KDM4D: variants seen among roughly 807,000 people sequenced by gnomAD.
KDM4D encodes lysine demethylase 4D.
For synonymous variants in KDM4D, 254 were observed against 249.1 expected, an observed-to-expected ratio of 1.02 and a Z score of -0.19; for missense variants, 427 against 674.8, an observed-to-expected ratio of 0.63 and a Z score of 4.07.
At chr11:94,983,724 T>C (rs149373821) in intron 2 of KDM4D, among the ~76,000 whole-genome samples, 12 of 151,970 alleles carry the variant, frequency 7.9e-5, no homozygotes, top group East Asian at 3.9e-4. Context: ...CACACAATAA[T>C]AACAACAACA....
chr11:94,990,906 A>T (rs1804709325), intron 2 of KDM4D, among the ~76,000 whole-genome samples: 1 of 152,188 alleles, frequency 6.6e-6, no homozygotes, highest in East Asian at 1.9e-4. Context: ...CAGCTGGATA[A>T]ACTGCCCCTC....
intron 2 of KDM4D, among the ~76,000 whole-genome samples, chr11:94,992,269 C>CA (rs35912659): frequency 0.036 from 5,461 of 150,612 alleles, 136 homozygotes; most frequent in Non-Finnish European, 0.053. Flanking sequence ...GACAAACTGG[C>CA]AAAAAAAACT....
rs587772173 is a variant in KDM4D at position 94,974,410 on chromosome 11, T to G, written c.-445+342T>G. Among the ~76,000 whole-genome samples, 11 of 152,360 alleles carry G rather than the reference T, an allele frequency of 7.2e-5. No homozygotes were observed. In the East Asian group the frequency reaches 2.1e-3, roughly 29 times the overall value. ...TCATCACATAGACCTTGACGTATAG[T>G]AGCTGCTCAATTAATATTTGTTAAA... On this transcript the variant is annotated intron_variant, in intron 1 of 2. Coordinates refer to ENST00000335080, the MANE Select transcript of KDM4D (RefSeq NM_018039.3).
intron 1 of KDM4D, among the ~76,000 whole-genome samples, chr11:94,974,749 C>G (rs1447243052): frequency 5.3e-5 from 8 of 152,328 alleles, no homozygotes; most frequent in Middle Eastern, 3.4e-3. Flanking sequence ...CAGGTCTTAA[C>G]AATTCTACTT....
At position 94,997,302 on chromosome 11, in the gene KDM4D, T is replaced by A; in HGVS notation, c.-71T>A. 1.5e-6 allele frequency: 2 copies of A among 1,305,952 alleles called. No individual in the cohort carries two copies. Among genetic ancestry groups the A allele is most frequent in the Non-Finnish European group, 2.1e-6 (2 of 973,810 alleles). 80.9% of individuals were successfully genotyped at this position (1,305,952 alleles called of 1,614,324 possible). On this transcript the variant is annotated 5_prime_UTR_variant, in exon 3 of 3. Coordinates refer to ENST00000335080, the MANE Select transcript of KDM4D (RefSeq NM_018039.3). ...AGATAACACCAGTCAAATTTTTTTT[T>A]AAAGTAGCATTTTCCTACATTGTCA...
chr11:94,996,589 T>C (rs1374714065), intron 2 of KDM4D, among the ~76,000 whole-genome samples: 6 of 152,248 alleles, frequency 3.9e-5, no homozygotes, highest in South Asian at 2.1e-4. Context: ...TTATCTTCAT[T>C]GCTATATGGT....
At chr11:94,974,222 C>T (rs1015463728) in intron 1 of KDM4D, among the ~76,000 whole-genome samples, 154 bp downstream of exon 1, 2 of 152,114 alleles carry the variant, frequency 1.3e-5, no homozygotes, top group Non-Finnish European at 2.9e-5. Context: ...CTACCAGGAG[C>T]ACAAGATGTA....
Position 94,998,413 on chromosome 11 carries a change from C to G in KDM4D, c.1041C>G (p.His347Gln). Reference sequence around the variant, plus strand: ...GGCAAGACCGGGCAGTTGTGGACCACATGGAGCCCAGGGTACCAGCCAGCC... The same window carrying G: ...GGCAAGACCGGGCAGTTGTGGACCAGATGGAGCCCAGGGTACCAGCCAGCC... ...KRGQDRAVVD[H>Q]MEPRVPASQE... is the part of the protein sequence containing the mutation. The change falls in exon 3 of 3, where the codon CAC becomes CAG. Residue 347 changes from histidine to glutamine, a missense_variant. His to Gln is a conservative substitution (Grantham distance 24, BLOSUM62 0). Transcript: ENST00000335080. The surrounding 1 kb of genome is among the most constrained non-coding windows in gnomAD (Gnocchi z 6.7). 6.2e-7 allele frequency: 1 copy of G among 1,614,028 alleles called. No individual in the cohort carries two copies. The highest frequency in any genetic ancestry group is 1.3e-5 in the African/African-American group (1 of 75,062).
intron 2 of KDM4D, among the ~76,000 whole-genome samples, chr11:94,994,152 T>C (rs1447376438): frequency 2.0e-5 from 3 of 152,146 alleles, no homozygotes; most frequent in Non-Finnish European, 4.4e-5. Flanking sequence ...AAGACTATCA[T>C]TGGATCCTCT....
chr11:94,991,449 A>G (rs1198156357), intron 2 of KDM4D, among the ~76,000 whole-genome samples: 2 of 152,186 alleles, frequency 1.3e-5, no homozygotes, highest in African/African-American at 4.8e-5. Context: ...TTCAAAAACC[A>G]TTGAGATTTT....
At chr11:94,988,436 C>T (rs868930634) in intron 2 of KDM4D, among the ~76,000 whole-genome samples, 1 of 152,260 alleles carries the variant, frequency 6.6e-6, no homozygotes, top group African/African-American at 2.4e-5. Flanking sequence ...TTATCCAGCA[C>T]CTATTGCAGT....
At chr11:94,995,987 T>C (rs1857972792) in intron 2 of KDM4D, among the ~76,000 whole-genome samples, 1 of 152,138 alleles carries the variant, frequency 6.6e-6, no homozygotes, top group South Asian at 2.1e-4. Context: ...CTGATACCAG[T>C]TGTGCGAGGG....
intron 2 of KDM4D, among the ~76,000 whole-genome samples, chr11:94,986,529 G>T (rs587669649): frequency 6.6e-6 from 1 of 152,102 alleles, no homozygotes; most frequent in South Asian, 2.1e-4. Context: ...CTGGAAGGTC[G>T]AGGCTGCAGT....
chr11:94,984,294 A>C (rs945256249), intron 2 of KDM4D, among the ~76,000 whole-genome samples: 1 of 152,022 alleles, frequency 6.6e-6, no homozygotes, highest in African/African-American at 2.4e-5. Flanking sequence ...CAGGAGTTTG[A>C]GACCAGCCTG....
chr11:94,983,852 G>C (rs587718442), intron 2 of KDM4D, among the ~76,000 whole-genome samples: 1 of 152,244 alleles, frequency 6.6e-6, no homozygotes, highest in South Asian at 2.1e-4. Flanking sequence ...ACTCCTATTA[G>C]TACATAGGTT....
chr11:94,995,525 C>T lies in KDM4D; in HGVS notation c.-349-1499C>T, dbSNP rs11021002. Among the ~76,000 whole-genome samples, 474 of 151,868 alleles carry T rather than the reference C, an allele frequency of 3.1e-3. 1 individual carries two copies. Among genetic ancestry groups the T allele is most frequent in the African/African-American group, 0.011 (448 of 41,398 alleles). On this transcript the variant is annotated intron_variant, in intron 2 of 2. Coordinates refer to ENST00000335080, the MANE Select transcript of KDM4D (RefSeq NM_018039.3). ...GGAAGGAGTGGAACTTAAGAACTGA[C>T]GAAGAAGGGAAAGTTTGGGAGAGAG...
At chr11:94,984,693 T>TAA (rs35239329) in intron 2 of KDM4D, among the ~76,000 whole-genome samples, 948 of 87,736 alleles carry the variant, frequency 0.011, 20 homozygotes, top group African/African-American at 0.037. Flanking sequence ...CCATCTCTAC[T>TAA]AAAAAAAAAA....
At chr11:94,989,687 T>C (rs1310691531) in intron 2 of KDM4D, among the ~76,000 whole-genome samples, 1 of 152,132 alleles carries the variant, frequency 6.6e-6, no homozygotes, top group Non-Finnish European at 1.5e-5. Context: ...AATATTGGCA[T>C]TTGTAGGCAC....
At chr11:94,975,404 C>A (rs1468480957) in intron 1 of KDM4D, among the ~76,000 whole-genome samples, 1 of 152,154 alleles carries the variant, frequency 6.6e-6, no homozygotes, top group African/African-American at 2.4e-5. Context: ...TTCTAAATTC[C>A]AGTTCTGCCC....
Sources: gnomAD v4.1 joint callset for allele counts (sites outside exome capture counted in the v4.1 genomes callset) on GRCh38, gnomAD v4.1.1 for gene constraint, Gnocchi (gnomAD v3.1) non-coding constraint, MANE v1.5 for transcripts, NCBI Gene and HGNC (gene_info 2026-07-23, HGNC 2026-07-21) for gene names.